The following VPS13B variants were observed in gnomAD, a reference collection of about 807,000 sequenced individuals.
The protein encoded by VPS13B is intermembrane lipid transfer protein VPS13B.
In VPS13B, 285 loss-of-function variants were observed where a neutral mutation model predicts 426.4. That is an observed-to-expected ratio of 0.67 (90% confidence interval 0.61 to 0.74). The LOEUF (loss-of-function observed/expected upper bound fraction) is 0.74. Among genes scored for constraint, VPS13B ranks in the 30% least tolerant of loss-of-function variants. The pLI, the probability that VPS13B is intolerant of heterozygous loss-of-function variation, is 0.00. For missense variants in VPS13B, 4,537 were observed against 4,782.6 expected (o/e 0.95, Z 1.51); for synonymous variants, 1,676 against 1,676.4 (o/e 1.00, Z 0.01).
chr8:99,617,459 C>T (rs1828144092), intron 33 of VPS13B, among the ~76,000 whole-genome samples: 1 of 152,054 alleles, frequency 6.6e-6, no homozygotes, highest in African/African-American at 2.4e-5. Context: ...TTCCTAGTAG[C>T]TGGGATATGG....
intron 34 of VPS13B, among the ~76,000 whole-genome samples, chr8:99,647,331 GTGGGCAGATCATC>G (rs1274558212): frequency 1.3e-5 from 2 of 152,134 alleles, no homozygotes; most frequent in Non-Finnish European, 2.9e-5. Flanking sequence ...GGAGGCCGAG[GTGGGCAGATCATC>G]TGAGGTCAGG....
At chr8:99,451,837 T>G (rs576222504) in intron 23 of VPS13B, among the ~76,000 whole-genome samples, 2 of 152,322 alleles carry the variant, frequency 1.3e-5, no homozygotes, top group East Asian at 3.9e-4. Context: ...AGGGAAGAGG[T>G]GGTACTGGTG....
intron 19 of VPS13B, among the ~76,000 whole-genome samples, chr8:99,279,003 T>C (rs1266492196): frequency 6.6e-6 from 1 of 152,124 alleles, no homozygotes; most frequent in East Asian, 1.9e-4. Context: ...ACAGGTCACA[T>C]AGAGAAATAG....
chr8:99,384,551 CAG>C, intron 20 of VPS13B, among the ~76,000 whole-genome samples: 1 of 152,260 alleles, frequency 6.6e-6, no homozygotes. Flanking sequence ...GCTTACAAAA[CAG>C]AAACTAGTTT....
chr8:99,782,182 C>T (rs1482789349), intron 42 of VPS13B, among the ~76,000 whole-genome samples: 1 of 152,016 alleles, frequency 6.6e-6, no homozygotes, highest in African/African-American at 2.4e-5. Flanking sequence ...TTTTCCCTCC[C>T]CTTCTTCTCC....
At chr8:99,410,224 TG>T (rs1815558749) in intron 21 of VPS13B, among the ~76,000 whole-genome samples, 1 of 152,208 alleles carries the variant, frequency 6.6e-6, no homozygotes. Context: ...CACTATCTCT[TG>T]GTACCTTCAG....
At chr8:99,744,199 C>A (rs1475629012) in intron 39 of VPS13B, among the ~76,000 whole-genome samples, 3 of 152,074 alleles carry the variant, frequency 2.0e-5, no homozygotes, top group Non-Finnish European at 4.4e-5. Flanking sequence ...ATTTATGCAG[C>A]CAAAAGACAC....
chr8:99,094,827 G>T (rs1846337069), intron 3 of VPS13B, among the ~76,000 whole-genome samples: 1 of 151,974 alleles, frequency 6.6e-6, no homozygotes, highest in Non-Finnish European at 1.5e-5. Flanking sequence ...TACCATTCTT[G>T]TAAGTATTAT....
At chr8:99,686,636 C>A (rs998828379) in intron 35 of VPS13B, among the ~76,000 whole-genome samples, 5 of 152,012 alleles carry the variant, frequency 3.3e-5, no homozygotes, top group African/African-American at 9.7e-5. Context: ...ATGGCCACCA[C>A]CATCCCAGGC....
rs909027886 is a variant in VPS13B, at chr8:99,664,735, G to C, written c.6046+3244G>C. ...TCTATCGTTGTTGGACATTCAGGTT[G>C]GTTTCAAGTCTTTGCTATTGTGAAT... On this transcript the variant is annotated intron_variant, in intron 35 of 61. Transcript: ENST00000357162. 1.1e-4 allele frequency among the ~76,000 whole-genome samples: 17 copies of C among 152,278 alleles called. No homozygotes were observed. The East Asian group carries it at 3.1e-3, about 28-fold the overall frequency.
chr8:99,571,544 T>C (rs11984855), intron 31 of VPS13B, among the ~76,000 whole-genome samples: 9,886 of 152,234 alleles, frequency 0.065, 443 homozygotes, highest in African/African-American at 0.12. Flanking sequence ...ATTTATCACA[T>C]GATGGAGAGA....
chr8:99,706,945 A>T (rs1832522042), intron 36 of VPS13B, among the ~76,000 whole-genome samples: 1 of 152,158 alleles, frequency 6.6e-6, no homozygotes, highest in Non-Finnish European at 1.5e-5. Context: ...CATATAAGCC[A>T]GTAGGCTGTT....
intron 36 of VPS13B, among the ~76,000 whole-genome samples, chr8:99,709,105 A>G (rs1832610379): frequency 2.0e-5 from 3 of 152,134 alleles, no homozygotes. Flanking sequence ...TGTCGTTTTC[A>G]CATTTTAAGG....
intron 35 of VPS13B, among the ~76,000 whole-genome samples, chr8:99,663,529 A>G (rs1830325072): frequency 6.6e-6 from 1 of 152,212 alleles, no homozygotes; most frequent in African/African-American, 2.4e-5. Context: ...ATTCCATCTA[A>G]GCCACTAGCA....
intron 21 of VPS13B, among the ~76,000 whole-genome samples, chr8:99,410,542 ATTTAT>A (rs1197981377): frequency 4.8e-5 from 7 of 145,662 alleles, no homozygotes; most frequent in Non-Finnish European, 9.2e-5. Flanking sequence ...AGAATTATTT[ATTTAT>A]TTATTTATTT....
intron 19 of VPS13B, among the ~76,000 whole-genome samples, chr8:99,338,234 C>G (rs184511042): frequency 7.2e-4 from 110 of 151,980 alleles, no homozygotes; most frequent in African/African-American, 2.5e-3. Flanking sequence ...ATTAAAAACA[C>G]CTGTTAGAAT....
chr8:99,639,057 C>G (rs1021912825), intron 33 of VPS13B, among the ~76,000 whole-genome samples: 2 of 152,130 alleles, frequency 1.3e-5, no homozygotes, highest in Admixed American at 6.5e-5. Context: ...AGGCACTGTG[C>G]TGTTCATTCA....
chr8:99,048,281 T>C (rs890564462), intron 3 of VPS13B, among the ~76,000 whole-genome samples: 9 of 152,306 alleles, frequency 5.9e-5, no homozygotes, highest in Middle Eastern at 6.8e-3. Context: ...ATGGACTATC[T>C]TGGAGAAAGT....
At chr8:99,861,059 A>G (rs532731777) in intron 57 of VPS13B, among the ~76,000 whole-genome samples, 3 of 152,238 alleles carry the variant, frequency 2.0e-5, no homozygotes, top group African/African-American at 7.2e-5. Context: ...TAATCTTTCT[A>G]AAACTTAGCA....
Sources: gnomAD v4.1 joint callset for allele counts (sites outside exome capture counted in the v4.1 genomes callset) on GRCh38, gnomAD v4.1.1 for gene constraint, MANE v1.5 for transcripts, NCBI Gene and HGNC (gene_info 2026-07-23, HGNC 2026-07-21) for gene names.